Variants in NFATC3 observed in about 807,000 individuals in gnomAD.
NFATC3 encodes nuclear factor of activated T cells 3.
Under a neutral mutation model 98.6 loss-of-function variants are expected in NFATC3, and 46 were observed. The ratio of observed to expected loss-of-function variants is 0.47; its 90% CI spans 0.37 to 0.60. The LOEUF is 0.60. Among genes scored for constraint, NFATC3 ranks in the 20% least tolerant of loss-of-function variants. The pLI, the probability that NFATC3 is intolerant of heterozygous loss-of-function variation, is 0.00. For synonymous variants in NFATC3, 512 were observed against 472.2 expected (o/e 1.08, Z -1.09); for missense variants, 1,256 against 1,295.5 (o/e 0.97, Z 0.47).
chr16:68,097,258 A>C (rs2035067062), intron 1 of NFATC3, among the ~76,000 whole-genome samples: 1 of 152,256 alleles, frequency 6.6e-6, no homozygotes, highest in African/African-American at 2.4e-5. Flanking sequence ...AGTGGTGAAC[A>C]AGACATGGCC....
Position 68,137,722 on chromosome 16 carries a change from T to C in NFATC3, c.1401+11112T>C, listed in dbSNP as rs543837313. 2.0e-5 allele frequency among the ~76,000 whole-genome samples: 3 copies of C among 151,822 alleles called. No homozygotes were observed. In the East Asian group the frequency reaches 5.8e-4, roughly 30 times the overall value. ...TCCGCCTCCTGGGTTCACGCCATTCTCCTGCCTCAGCCTCCCGAGTAGCTG... is the reference window on the plus strand; with the variant it reads ...TCCGCCTCCTGGGTTCACGCCATTCCCCTGCCTCAGCCTCCCGAGTAGCTG... On this transcript the variant is annotated intron_variant, in intron 3 of 9. Coordinates refer to ENST00000346183, the MANE Select transcript of NFATC3 (RefSeq NM_173165.3).
intron 9 of NFATC3, chr16:68,214,488 G>T: frequency 6.8e-7 from 1 of 1,480,408 alleles, no homozygotes; most frequent in Non-Finnish European, 9.4e-7. Context: ...GTATTTGCAT[G>T]CAGTGGCTGG....
In NFATC3 at chr16:68,166,844, A is replaced by G. The variant is rs748880557; in HGVS notation, c.1603A>G (p.Ile535Val). Reference sequence around the variant, plus strand: ...AAATTTTTGTATTTTTCTCTTTAGTATTGATTGTGCAGGTATTTTGAAACT... The same window carrying G: ...AAATTTTTGTATTTTTCTCTTTAGTGTTGATTGTGCAGGTATTTTGAAACT... The part of the protein sequence containing the change: ...LLPENNMSAS[I>V]DCAGILKLRN... The change falls in exon 5 of 10, where the codon ATT (isoleucine) becomes GTT (valine). Residue 535 changes from isoleucine to valine, a missense_variant and splice_region_variant. Around this residue, in one of 3 missense-constraint regions of NFATC3, gnomAD observed 156 missense variants for 212.4 expected, o/e 0.73. Coordinates refer to ENST00000346183, the MANE Select transcript of NFATC3 (RefSeq NM_173165.3). 7 of 1,610,350 alleles carry G rather than the reference A, an allele frequency of 4.3e-6. No homozygotes were observed. The South Asian group carries it at 6.6e-5, about 15-fold the overall frequency.
intron 8 of NFATC3, among the ~76,000 whole-genome samples, chr16:68,186,347 C>T (rs2040200059): frequency 6.6e-6 from 1 of 152,002 alleles, no homozygotes. Flanking sequence ...ATCATCCTGG[C>T]TAACATGGGG....
chr16:68,153,304 C>T (rs1372942004), intron 3 of NFATC3, among the ~76,000 whole-genome samples: 15 of 152,218 alleles, frequency 9.9e-5, no homozygotes, highest in Non-Finnish European at 2.1e-4. Flanking sequence ...CACCTGTAGT[C>T]CCAGCTACTT....
chr16:68,121,937 C>T, intron 1 of NFATC3, 50 bp from the exon 2 acceptor site: 1 of 1,516,198 alleles, frequency 6.6e-7, no homozygotes. Flanking sequence ...TCTGAGTTTT[C>T]TAATTTCTTG....
chr16:68,187,650 G>A (rs888726093), intron 8 of NFATC3, among the ~76,000 whole-genome samples: 13 of 152,146 alleles, frequency 8.5e-5, no homozygotes, highest in South Asian at 2.1e-4. Context: ...TCAGCCCTCA[G>A]CAGAGAGGAG....
At position 68,191,000 on chromosome 16, in the gene NFATC3, A is replaced by G. The variant is rs769074351; in HGVS notation, c.2331A>G (p.Glu777=). Residue 777 remains glutamate (E), a synonymous_variant, in exon 9 of 10, where the codon GAA becomes GAG. Coordinates refer to ENST00000346183, the MANE Select transcript of NFATC3 (RefSeq NM_173165.3). Reference sequence around the variant, plus strand: ...GTAGAGATGAGAGTGTTAGTAAAGAACAGCATATGATTCCTTCTCCAATTG... The same window carrying G: ...GTAGAGATGAGAGTGTTAGTAAAGAGCAGCATATGATTCCTTCTCCAATTG... ...LQCRDESVSK[E]QHMIPSPIVH... is the part of the protein sequence containing the mutation. The G allele has an allele frequency of 6.2e-7, 1 of 1,614,186 alleles. No homozygotes were observed. The highest frequency in any genetic ancestry group is 1.1e-5 in the South Asian group (1 of 91,088).
At chr16:68,109,596 G>A (rs1328601556) in intron 1 of NFATC3, among the ~76,000 whole-genome samples, 2 of 152,164 alleles carry the variant, frequency 1.3e-5, no homozygotes, top group African/African-American at 2.4e-5. Context: ...CATAAAATGA[G>A]TTAGGGAGTA....
intron 3 of NFATC3, among the ~76,000 whole-genome samples, chr16:68,150,033 G>C (rs2038231728): frequency 6.6e-6 from 1 of 152,132 alleles, no homozygotes; most frequent in Non-Finnish European, 1.5e-5. Flanking sequence ...AGGGTAGTTG[G>C]AATTACGATT....
intron 2 of NFATC3, among the ~76,000 whole-genome samples, chr16:68,124,431 CT>C (rs60875488): frequency 0.99 from 129,300 of 130,934 alleles, 63,847 homozygotes; most frequent in Middle Eastern, 1. Context: ...TCTTTTCTTT[CT>C]TTTTTTTTTT....
chr16:68,184,987 A>ATT (rs541655102), intron 8 of NFATC3, among the ~76,000 whole-genome samples: 2 of 146,742 alleles, frequency 1.4e-5, no homozygotes, highest in African/African-American at 5.0e-5. Context: ...TTATTTATTT[A>ATT]TTTTTTTTTT....
At chr16:68,173,951 C>T (rs1381677790) in intron 5 of NFATC3, among the ~76,000 whole-genome samples, 1 of 151,926 alleles carries the variant, frequency 6.6e-6, no homozygotes, top group Non-Finnish European at 1.5e-5. Context: ...GAGTTTGAGA[C>T]CAGGCTGGAC....
chr16:68,110,616 ATT>A (rs111337363), intron 1 of NFATC3, among the ~76,000 whole-genome samples: 1 of 147,338 alleles, frequency 6.8e-6, no homozygotes, highest in South Asian at 2.1e-4. Flanking sequence ...GCCCAGCCTG[ATT>A]TTTTTTTTTA....
intron 9 of NFATC3, among the ~76,000 whole-genome samples, chr16:68,209,196 A>G (rs1432681794): frequency 6.6e-6 from 1 of 152,132 alleles, no homozygotes; most frequent in Non-Finnish European, 1.5e-5. Flanking sequence ...TTCATCTTGA[A>G]AGAGCATTGA....
Position 68,157,943 on chromosome 16 carries a change from T to A in NFATC3, c.1476T>A (p.Pro492=), listed in dbSNP as rs554478579. ...IGTADDRYLR[P]HAFYQVHRIT... is the part of the protein sequence containing the mutation. ...CAGCAGATGATCGATATTTACGACC[T>A]CATGCATTTTACCAGGTGCATCGAA... The change falls in exon 4 of 10, where the codon CCT becomes CCA. Residue 492 remains proline (P), a synonymous_variant. Coordinates refer to ENST00000346183, the MANE Select transcript of NFATC3 (RefSeq NM_173165.3). 9 of 1,613,966 alleles carry A rather than the reference T, an allele frequency of 5.6e-6. No individual in the cohort carries two copies. The African/African-American group carries it at 1.1e-4, about 19-fold the overall frequency.
Position 68,181,468 on chromosome 16 carries a change from T to G in NFATC3, c.1916-7T>G. 6.2e-7 allele frequency: 1 copy of G among 1,609,104 alleles called. No individual in the cohort carries two copies. Among genetic ancestry groups the G allele is most frequent in the Non-Finnish European group, 8.5e-7 (1 of 1,176,086 alleles). ...TGCTTTTAACTATAAACTCTTTCTT[T>G]CAATAGATGGACGACCTCAGTGGGA... On this transcript the variant is annotated splice_polypyrimidine_tract_variant and splice_region_variant and intron_variant, in intron 6 of 9. Transcript: ENST00000346183.
chr16:68,177,674 C>T (rs764477719), intron 6 of NFATC3, among the ~76,000 whole-genome samples: 5 of 151,966 alleles, frequency 3.3e-5, no homozygotes, highest in Admixed American at 2.0e-4. Flanking sequence ...AAAGGCTATA[C>T]GGTGCCCCCA....
At chr16:68,217,526 T>C (rs1393291816) in intron 9 of NFATC3, among the ~76,000 whole-genome samples, 1 of 151,822 alleles carries the variant, frequency 6.6e-6, no homozygotes, top group Non-Finnish European at 1.5e-5. Flanking sequence ...TTTTCTTGCT[T>C]ACAGTACTTA....
Sources: allele counts gnomAD v4.1 joint callset (sites outside exome capture counted in the v4.1 genomes callset), GRCh38; gene constraint gnomAD v4.1.1; regional missense constraint gnomAD v4.1.1; transcripts MANE v1.5; gene names NCBI Gene and HGNC (gene_info 2026-07-23, HGNC 2026-07-21).